Variants in VPS13A observed in about 807,000 individuals in gnomAD.
VPS13A encodes the protein intermembrane lipid transfer protein VPS13A.
In VPS13A, 264 loss-of-function variants were observed where a neutral mutation model predicts 390.9. That is an observed-to-expected ratio of 0.68 (90% CI 0.61 to 0.75). The LOEUF is 0.75. Ranked by LOEUF, VPS13A falls within the 30% of genes least tolerant of loss-of-function variation. The pLI is 0.00. For missense variants in VPS13A, 3,409 were observed against 3,733.9 expected (o/e 0.91, Z 2.27); for synonymous variants, 1,231 against 1,227.1 (o/e 1.00, Z -0.07).
Position 77,260,122 on chromosome 9 carries a change from A to T in VPS13A, c.2325A>T (p.Leu775Phe). ...KIYGKLPLIS[L>F]RISDKKLQGI... ...ATGGAAAGTTACCTCTTATTTCTTTACGAATCTCAGATAAAAAACTACAAG... is the reference window on the plus strand; with the variant it reads ...ATGGAAAGTTACCTCTTATTTCTTTTCGAATCTCAGATAAAAAACTACAAG... The change falls in exon 23 of 72, where the codon TTA becomes TTT. Residue 775 changes from leucine to phenylalanine, a missense_variant. Transcript: ENST00000360280. The T allele has an allele frequency of 6.4e-7, 1 of 1,562,042 alleles. No homozygotes were observed. The highest frequency in any genetic ancestry group is 1.7e-5 in the Admixed American group (1 of 59,716).
intron 68 of VPS13A, chr9:77,389,966 A>G: frequency 2.2e-6 from 1 of 447,634 alleles, no homozygotes; most frequent in Non-Finnish European, 3.0e-6. Flanking sequence ...ACAGATGTTT[A>G]TAATTAGCTT....
Position 77,371,162 on chromosome 9 carries a change from T to C in VPS13A, c.9077+13T>C. The C allele has an allele frequency of 1.9e-6, 3 of 1,613,804 alleles. No homozygotes were observed. The highest frequency in any genetic ancestry group is 4.5e-5 in the East Asian group (2 of 44,860). On this transcript the variant is annotated intron_variant, in intron 67 of 71. Coordinates refer to ENST00000360280, the MANE Select transcript of VPS13A (RefSeq NM_033305.3). ...AGGGAATAAAAAGGTAAATCCTCTT[T>C]GGTGTAAGATATGAGTTAAAATGCT... is the stretch of plus-strand genomic sequence containing the variant.
rs1434358138 is a variant in VPS13A at position 77,252,303 on chromosome 9, A to G, written c.2239A>G (p.Asn747Asp). The G allele has an allele frequency of 1.2e-6, 2 of 1,613,906 alleles. No homozygotes were observed. The highest frequency in any genetic ancestry group is 1.7e-6 in the Non-Finnish European group (2 of 1,179,952). Reference protein sequence around the residue: ...TQHILVPMHFNLELSKAMVFM... With the variant: ...TQHILVPMHFDLELSKAMVFM... ...GCATATTTTGGTACCCATGCACTTC[A>G]ATTTGGAACTGTCTAAGGCCATGGT... Residue 747 changes from asparagine to aspartate, a missense_variant, in exon 22 of 72, where the codon AAT becomes GAT. Asn to Asp is a conservative substitution (Grantham distance 23). This residue lies in a region of VPS13A where 2,717 missense variants were observed against 2,917.4 expected (regional missense o/e 0.93). Transcript: ENST00000360280.
chr9:77,288,703 GT>G (rs1827480018), intron 31 of VPS13A, among the ~76,000 whole-genome samples: 1 of 152,140 alleles, frequency 6.6e-6, no homozygotes, highest in African/African-American at 2.4e-5. Flanking sequence ...CTTGGTGAAT[GT>G]TTCAAGTGTA....
chr9:77,337,363 A>C lies in VPS13A; in HGVS notation c.6204A>C (p.Arg2068Ser). 6.2e-7 allele frequency: 1 copy of C among 1,612,976 alleles called. No homozygotes were observed. The highest frequency in any genetic ancestry group is 8.5e-7 in the Non-Finnish European group (1 of 1,179,178). ...NDGALLKKKC[R>S]SKNPSKESFL... ...GTGCTCTTCTAAAGAAGAAATGTAG[A>C]TCTAAAAACCCTTCTAAGGAATCAT... Residue 2068 changes from arginine (R) to serine (S), a missense_variant, in exon 47 of 72, where the codon AGA becomes AGC. By Grantham distance (110) the Arg-to-Ser change is moderately radical (BLOSUM62 -1). Around this residue, in one of 5 missense-constraint regions of VPS13A, gnomAD observed 2,717 missense variants for 2,917.4 expected, o/e 0.93. Transcript: ENST00000360280.
At chr9:77,275,457 CATTTTAATT>C (rs754267165) in intron 24 of VPS13A, 32 bp from the exon 25 acceptor site, 3 of 1,577,072 alleles carry the variant, frequency 1.9e-6, no homozygotes, top group Non-Finnish European at 2.6e-6. Context: ...TTAAATTGAT[CATTTTAATT>C]ATTGACTTAA....
Position 77,370,395 on chromosome 9 carries a change from C to T in VPS13A, c.8744-20C>T. On this transcript the variant is annotated intron_variant, in intron 64 of 71. Transcript: ENST00000360280. Reference sequence around the variant, plus strand: ...GAAAGTAATGGCATCATTACTTTTACTAAAGATAATTTCTGTCAGGTGGAT... The same window carrying T: ...GAAAGTAATGGCATCATTACTTTTATTAAAGATAATTTCTGTCAGGTGGAT... 6.2e-7 allele frequency: 1 copy of T among 1,614,112 alleles called. No homozygotes were observed. Among genetic ancestry groups the T allele is most frequent in the African/African-American group, 1.3e-5 (1 of 75,010 alleles).
At chr9:77,248,870 T>G (rs578145446) in intron 20 of VPS13A, among the ~76,000 whole-genome samples, 1 of 152,308 alleles carries the variant, frequency 6.6e-6, no homozygotes, top group Non-Finnish European at 1.5e-5. Context: ...TAGCTGGGAT[T>G]TCAGGCGTGT....
chr9:77,210,283 G>A (rs1042276761), intron 6 of VPS13A, among the ~76,000 whole-genome samples: 3 of 140,690 alleles, frequency 2.1e-5, no homozygotes, highest in African/African-American at 8.0e-5. Flanking sequence ...CCAGGCTGGA[G>A]TGCAGTTGCC....
chr9:77,386,738 C>T (rs1407437885), intron 68 of VPS13A, among the ~76,000 whole-genome samples: 15 of 143,736 alleles, frequency 1.0e-4, no homozygotes, highest in Middle Eastern at 3.5e-3. Flanking sequence ...GATGGAGTCT[C>T]GTTCTGTCGC....
intron 51 of VPS13A, among the ~76,000 whole-genome samples, 160 bp downstream of exon 51, chr9:77,344,441 A>G (rs1203289282): frequency 6.6e-6 from 1 of 152,162 alleles, no homozygotes; most frequent in Non-Finnish European, 1.5e-5. Flanking sequence ...ACAGAGATCT[A>G]AGATAATTTA....
chr9:77,336,401 A>G (rs1830538863), intron 46 of VPS13A, among the ~76,000 whole-genome samples: 1 of 152,158 alleles, frequency 6.6e-6, no homozygotes, highest in Admixed American at 6.5e-5. Context: ...GTAAAATATC[A>G]TACTGATGTT....
chr9:77,358,826 CCTTTT>C (rs1442797460), intron 57 of VPS13A, among the ~76,000 whole-genome samples: 2 of 152,076 alleles, frequency 1.3e-5, no homozygotes, highest in African/African-American at 4.8e-5. Flanking sequence ...TCCTTTCTAC[CCTTTT>C]CTTTCCCTTT....
chr9:77,252,454 GTA>G, intron 22 of VPS13A, 102 bp downstream of exon 22: 2 of 935,742 alleles, frequency 2.1e-6, no homozygotes, highest in Admixed American at 3.4e-5. Context: ...GTGGTGAAAT[GTA>G]TATAACTGAC....
At chr9:77,265,872 G>A (rs747270056) in intron 23 of VPS13A, among the ~76,000 whole-genome samples, 1 of 152,008 alleles carries the variant, frequency 6.6e-6, no homozygotes, top group East Asian at 1.9e-4. Context: ...TGCTTCTCTG[G>A]TTCTTTAATT....
Position 77,370,899 on chromosome 9 carries a change from A to G in VPS13A, c.8917A>G (p.Ser2973Gly). 1 of 1,613,262 alleles carries G rather than the reference A, an allele frequency of 6.2e-7. No homozygotes were observed. Among genetic ancestry groups the G allele is most frequent in the Non-Finnish European group, 8.5e-7 (1 of 1,179,934 alleles). The change falls in exon 66 of 72, where the codon AGT (serine) becomes GGT (glycine). Residue 2973 changes from serine to glycine, a missense_variant. Coordinates refer to ENST00000360280, the MANE Select transcript of VPS13A (RefSeq NM_033305.3). ...TGTGTTTTCCTTCTAGGGATTTGTT[A>G]GTGGCATAACAGGAATTGTTACAAA... is the stretch of plus-strand genomic sequence containing the variant. ...GGKGLVSGFV[S>G]GITGIVTKPI...
chr9:77,411,748 T>G (rs1364479037), intron 71 of VPS13A, among the ~76,000 whole-genome samples: 1 of 138,928 alleles, frequency 7.2e-6, no homozygotes, highest in Non-Finnish European at 1.5e-5. Context: ...ATGACTAAGA[T>G]CAGAGCAGAA....
intron 60 of VPS13A, among the ~76,000 whole-genome samples, chr9:77,365,952 A>G (rs141309148): frequency 3.6e-4 from 55 of 152,272 alleles, no homozygotes; most frequent in African/African-American, 1.1e-3. Context: ...CAAAATTCCT[A>G]TAAGCTAATT....
chr9:77,254,072 T>C (rs1419856774), intron 22 of VPS13A, among the ~76,000 whole-genome samples: 1 of 150,262 alleles, frequency 6.7e-6, no homozygotes, highest in Non-Finnish European at 1.5e-5. Context: ...GCCTCCCGAG[T>C]AGCTGGGACT....
Sources: allele counts gnomAD v4.1 joint callset (sites outside exome capture counted in the v4.1 genomes callset), GRCh38; gene constraint gnomAD v4.1.1; regional missense constraint gnomAD v4.1.1; transcripts MANE v1.5; gene names NCBI Gene and HGNC (gene_info 2026-07-23, HGNC 2026-07-21).